The following CACNA1E variants were observed in gnomAD, a reference collection of about 807,000 sequenced individuals.
The protein encoded by CACNA1E is calcium voltage-gated channel subunit alpha1 E.
In CACNA1E, 40 loss-of-function variants were observed where a neutral mutation model predicts 259.2. The observed-to-expected ratio is 0.15, with a 90% CI of 0.12 to 0.20. The LOEUF (loss-of-function observed/expected upper bound fraction) is 0.20, where lower values mean the gene tolerates loss of function less well. CACNA1E is among the 10% of genes least tolerant of loss of function. CACNA1E has a pLI of 1.00. For missense variants in CACNA1E, 1,874 were observed against 3,040.1 expected (o/e 0.62, Z 9.02); for synonymous variants, 1,104 against 1,138.5 (o/e 0.97, Z 0.61).
intron 26 of CACNA1E, among the ~76,000 whole-genome samples, chr1:181,751,581 C>G (rs1470562758): frequency 6.6e-6 from 1 of 152,228 alleles, no homozygotes. Flanking sequence ...ACCTTGCTGT[C>G]TCCTGAACTA....
chr1:181,737,786 T>C, intron 23 of CACNA1E, 132 bp downstream of exon 23: 1 of 1,204,460 alleles, frequency 8.3e-7, no homozygotes, highest in Non-Finnish European at 1.2e-6. Flanking sequence ...TCCACTCCTG[T>C]TCCTCAGGGC....
intron 28 of CACNA1E, 46 bp from the exon 29 acceptor site, chr1:181,755,910 T>C (rs1339915715): frequency 3.2e-6 from 5 of 1,581,478 alleles, no homozygotes; most frequent in Non-Finnish European, 3.4e-6. Flanking sequence ...TTCTGTAGAA[T>C]GAGCTATAGT....
At chr1:181,649,800 GATGAGAACAC>G (rs2102053695) in intron 6 of CACNA1E, among the ~76,000 whole-genome samples, 1 of 152,272 alleles carries the variant, frequency 6.6e-6, no homozygotes, top group Admixed American at 6.5e-5. Flanking sequence ...GGGGATAAAT[GATGAGAACAC>G]ATGGACATAT....
At chr1:181,364,983 C>T (rs190605608) in intron 1 of CACNA1E, among the ~76,000 whole-genome samples, 2 of 152,226 alleles carry the variant, frequency 1.3e-5, no homozygotes, top group East Asian at 3.9e-4. Flanking sequence ...TGGAAGCGTT[C>T]GTTAGCCAAG....
chr1:181,535,651 T>A (rs1668111004), intron 3 of CACNA1E, among the ~76,000 whole-genome samples: 1 of 152,052 alleles, frequency 6.6e-6, no homozygotes, highest in Non-Finnish European at 1.5e-5. Flanking sequence ...TTTTATCCTT[T>A]GTGGCTGATA....
At chr1:181,379,217 G>A (rs933090146) in intron 1 of CACNA1E, among the ~76,000 whole-genome samples, 2 of 152,196 alleles carry the variant, frequency 1.3e-5, no homozygotes, top group South Asian at 4.1e-4. Flanking sequence ...TTAGTAAGCT[G>A]TGGAACAACT....
intron 1 of CACNA1E, among the ~76,000 whole-genome samples, chr1:181,496,598 G>A (rs751831743): frequency 6.6e-6 from 1 of 152,138 alleles, no homozygotes; most frequent in African/African-American, 2.4e-5. Context: ...AGGGTGCTGT[G>A]GGGGGAAGGG....
At chr1:181,547,135 C>T (rs1312574743) in intron 3 of CACNA1E, among the ~76,000 whole-genome samples, 1 of 152,172 alleles carries the variant, frequency 6.6e-6, no homozygotes, top group Non-Finnish European at 1.5e-5. Context: ...CAAAACATCT[C>T]CCTCTTTCCC....
chr1:181,689,824 TG>T (rs1350467009), intron 7 of CACNA1E, among the ~76,000 whole-genome samples: 2 of 152,208 alleles, frequency 1.3e-5, no homozygotes, highest in African/African-American at 4.8e-5. Context: ...TTTATGGGGT[TG>T]TTTTTTTTCT....
chr1:181,527,354 C>A (rs763819419), intron 3 of CACNA1E, among the ~76,000 whole-genome samples: 6 of 152,172 alleles, frequency 3.9e-5, no homozygotes, highest in Non-Finnish European at 5.9e-5. Context: ...GACCTAATAC[C>A]TTCTAAAGGC....
At chr1:181,630,767 T>C (rs1656652483) in intron 6 of CACNA1E, among the ~76,000 whole-genome samples, 1 of 152,106 alleles carries the variant, frequency 6.6e-6, no homozygotes, top group African/African-American at 2.4e-5. Flanking sequence ...GAGTGGGGGA[T>C]AGGGCCTGAA....
chr1:181,691,121 T>A (rs1448954769), intron 7 of CACNA1E, among the ~76,000 whole-genome samples: 1 of 152,014 alleles, frequency 6.6e-6, no homozygotes, highest in Non-Finnish European at 1.5e-5. Context: ...TTATTTAAGA[T>A]CTTCAACCTA....
chr1:181,693,894 A>G (rs927023080), intron 7 of CACNA1E, among the ~76,000 whole-genome samples: 2 of 152,236 alleles, frequency 1.3e-5, no homozygotes, highest in South Asian at 2.1e-4. Context: ...AAAACTTCCC[A>G]CAAAGAAAAC....
chr1:181,699,940 G>A (rs1182782721), intron 7 of CACNA1E, among the ~76,000 whole-genome samples: 2 of 152,164 alleles, frequency 1.3e-5, no homozygotes, highest in Admixed American at 1.3e-4. Context: ...CCAAGTAGCT[G>A]ATGTCAAGTT....
intron 3 of CACNA1E, among the ~76,000 whole-genome samples, chr1:181,560,389 C>CT (rs200355823): frequency 0.016 from 2,480 of 151,870 alleles, 58 homozygotes; most frequent in African/African-American, 0.054. Flanking sequence ...TCCTTCTAGT[C>CT]TTTTTTTTCC....
chr1:181,625,579 A>G (rs991829158), intron 6 of CACNA1E, among the ~76,000 whole-genome samples: 1 of 151,948 alleles, frequency 6.6e-6, no homozygotes, highest in Non-Finnish European at 1.5e-5. Context: ...CAGCTTTCTC[A>G]CCTTTATTAG....
intron 3 of CACNA1E, among the ~76,000 whole-genome samples, chr1:181,560,247 TG>T (rs779579002): frequency 1.7e-4 from 26 of 150,976 alleles, no homozygotes; most frequent in Admixed American, 3.3e-4. Flanking sequence ...AGTTTTTTTT[TG>T]TGTGTGTGAT....
rs1430679220 is a variant in CACNA1E, at chr1:181,732,349, G to A, written c.2298-35G>A. 4 of 1,474,458 alleles carry A rather than the reference G, an allele frequency of 2.7e-6. No homozygotes were observed. Among genetic ancestry groups the A allele is most frequent in the Non-Finnish European group, 3.6e-6 (4 of 1,112,670 alleles). 91.3% of individuals were successfully genotyped at this position (1,474,458 alleles called of 1,614,324 possible). A position where few individuals can be genotyped will look rare whatever the true frequency, so the allele number is the denominator to read the frequency against. The stretch of plus-strand genomic sequence containing the variant: ...CACCCTCCCTGCCTGCAGCTTCTGG[G>A]CTCTGACCGCGGCCCTGCCCTTTCC... On this transcript the variant is annotated intron_variant, in intron 19 of 47. Transcript: ENST00000367573. The surrounding 1 kb of genome is among the most constrained non-coding windows in gnomAD (Gnocchi z 5.5).
rs566123507 is a variant in CACNA1E, at chr1:181,722,794, T to G, written c.2074+919T>G. Among the ~76,000 whole-genome samples, 17 of 152,272 alleles carry G rather than the reference T, an allele frequency of 1.1e-4. No homozygotes were observed. In the South Asian group the frequency reaches 3.5e-3, roughly 32 times the overall value. On this transcript the variant is annotated intron_variant, in intron 16 of 47. Coordinates refer to ENST00000367573, the MANE Select transcript of CACNA1E (RefSeq NM_001205293.3). ...GTGTATTTTTGCATTTTCCATAGTT[T>G]CATAGAGAAGACATGCTGTTTTACG...
Sources: gnomAD v4.1 joint callset for allele counts (sites outside exome capture counted in the v4.1 genomes callset) on GRCh38, gnomAD v4.1.1 for gene constraint, Gnocchi (gnomAD v3.1) non-coding constraint, MANE v1.5 for transcripts, NCBI Gene and HGNC (gene_info 2026-07-23, HGNC 2026-07-21) for gene names.